The following FBXO42 variants were observed in gnomAD, a reference collection of about 807,000 sequenced individuals.
The protein encoded by FBXO42 is F-box only protein 42.
FBXO42 carries 12 observed loss-of-function variants against 71.7 expected under a neutral mutation model. The observed-to-expected ratio is 0.17, with a 90% CI of 0.11 to 0.27. The LOEUF (loss-of-function observed/expected upper bound fraction) is 0.27. Among genes scored for constraint, FBXO42 ranks in the 10% least tolerant of loss-of-function variants. FBXO42 has a pLI of 1.00. For synonymous variants in FBXO42, 325 were observed against 327.5 expected (o/e 0.99, Z 0.08); for missense variants, 707 against 911.9 (o/e 0.78, Z 2.89).
intron 4 of FBXO42, among the ~76,000 whole-genome samples, chr1:16,284,246 A>C (rs2081997543): frequency 6.6e-6 from 1 of 152,230 alleles, no homozygotes; most frequent in Non-Finnish European, 1.5e-5. Flanking sequence ...CAGGATTTCC[A>C]ATGGTTTCTG....
chr1:16,248,549 T>C lies in FBXO42; in HGVS notation c.*2121A>G, dbSNP rs1348807783. ...ATTCTGTACTTTCAGGTTTCTAATA[T>C]ACTTTATATTTAGATAGGAACTACT... is the stretch of plus-strand genomic sequence containing the variant. On this transcript the variant is annotated 3_prime_UTR_variant, in exon 10 of 10. Coordinates refer to ENST00000375592, the MANE Select transcript of FBXO42 (RefSeq NM_018994.3). The C allele has an allele frequency of 6.6e-6, 1 of 152,170 alleles. No individual in the cohort carries two copies. 9.4% of individuals were successfully genotyped at this position (152,170 alleles called of 1,614,324 possible).
chr1:16,259,749 G>C (rs1326204915), intron 4 of FBXO42, among the ~76,000 whole-genome samples: 1 of 135,224 alleles, frequency 7.4e-6, no homozygotes, highest in Non-Finnish European at 1.5e-5. Flanking sequence ...CTGAGTGAAA[G>C]AGCAAGACTC....
In FBXO42 at chr1:16,250,821, C is replaced by T; in HGVS notation, c.2003G>A (p.Ser668Asn). 6.2e-7 allele frequency: 1 copy of T among 1,614,160 alleles called. No homozygotes were observed. The highest frequency in any genetic ancestry group is 8.5e-7 in the Non-Finnish European group (1 of 1,180,028). The change falls in exon 10 of 10, where the codon AGT becomes AAT. Residue 668 changes from serine to asparagine, a missense_variant. By Grantham distance (46) the Ser-to-Asn change is conservative (BLOSUM62 1). Coordinates refer to ENST00000375592, the MANE Select transcript of FBXO42 (RefSeq NM_018994.3). This position sits in a 1 kb window ranked among gnomAD's most constrained non-coding sequence, Gnocchi z 4.7. ...GGTTTCAGGAGGTCCAACCACAGAA[C>T]TGCTATTAAATACTTTCCATTTGAC... The part of the protein sequence containing the change: ...GRVKWKVFNS[S>N]SVVGPPETSL...
intron 4 of FBXO42, among the ~76,000 whole-genome samples, chr1:16,275,524 C>A (rs1167460549): frequency 1.3e-5 from 2 of 151,884 alleles, no homozygotes. Flanking sequence ...GAGGCTGAAG[C>A]AGGAGGATCG....
At chr1:16,295,504 C>A (rs1363947878) in intron 3 of FBXO42, among the ~76,000 whole-genome samples, 1 of 152,096 alleles carries the variant, frequency 6.6e-6, no homozygotes, top group East Asian at 1.9e-4. Flanking sequence ...GATTCTCCTG[C>A]CTCAGCCTCC....
intron 4 of FBXO42, among the ~76,000 whole-genome samples, chr1:16,281,893 G>C (rs2081967457): frequency 6.6e-6 from 1 of 151,874 alleles, no homozygotes; most frequent in Non-Finnish European, 1.5e-5. Context: ...TTGACCTCAA[G>C]TGATCCTCCT....
chr1:16,275,864 G>A lies in FBXO42; in HGVS notation c.502+18919C>T, dbSNP rs1227478522. Among the ~76,000 whole-genome samples the A allele has an allele frequency of 3.3e-5, 5 of 152,126 alleles. No individual in the cohort carries two copies. In the East Asian group the frequency reaches 7.7e-4, roughly 24 times the overall value. On this transcript the variant is annotated intron_variant, in intron 4 of 9. Transcript: ENST00000375592. ...TCTCTACTAAAAAAATTAGCCAGGC[G>A]TGGTGGTGGTACGTGCTTGTAATCC...
chr1:16,287,291 A>C (rs1429798784), intron 4 of FBXO42, among the ~76,000 whole-genome samples: 1 of 152,014 alleles, frequency 6.6e-6, no homozygotes, highest in African/African-American at 2.4e-5. Context: ...GTACCCATCA[A>C]GTCCTTGTTC....
intron 3 of FBXO42, 85 bp downstream of exon 3, chr1:16,305,718 A>G: frequency 1.7e-6 from 2 of 1,192,690 alleles, no homozygotes; most frequent in Non-Finnish European, 2.5e-6. Flanking sequence ...TGTCTCAAAA[A>G]CAAACAAAAA....
At chr1:16,303,359 T>C (rs1557592785) in intron 3 of FBXO42, among the ~76,000 whole-genome samples, 1 of 152,210 alleles carries the variant, frequency 6.6e-6, no homozygotes, top group Non-Finnish European at 1.5e-5. Flanking sequence ...AGGACTGTCC[T>C]ATGCACTGCA....
chr1:16,315,603 G>C (rs1298823682), intron 1 of FBXO42, among the ~76,000 whole-genome samples, 168 bp from the exon 2 acceptor site: 1 of 152,164 alleles, frequency 6.6e-6, no homozygotes, highest in African/African-American at 2.4e-5. Flanking sequence ...GACAGGTACA[G>C]CTCAAATACC....
In FBXO42 at chr1:16,334,061, A is replaced by G. The variant is rs966720342; in HGVS notation, c.-18+18194T>C. 1.4e-4 allele frequency among the ~76,000 whole-genome samples: 22 copies of G among 152,196 alleles called. 1 individual carries two copies. Among genetic ancestry groups the G allele is most frequent in the Admixed American group, 1.4e-3 (22 of 15,254 alleles). On this transcript the variant is annotated intron_variant, in intron 1 of 9. Transcript: ENST00000375592. ...AGTGATGACTGTGCAGAATACAAAT[A>G]TATTCAAAGATAGCTTATAATATGA...
chr1:16,285,595 A>G (rs2082013594), intron 4 of FBXO42, among the ~76,000 whole-genome samples: 1 of 152,134 alleles, frequency 6.6e-6, no homozygotes, highest in Non-Finnish European at 1.5e-5. Flanking sequence ...TCTAAAATGT[A>G]TTACAAACTG....
At chr1:16,326,889 G>T (rs989014848) in intron 1 of FBXO42, among the ~76,000 whole-genome samples, 1 of 152,050 alleles carries the variant, frequency 6.6e-6, no homozygotes. Context: ...CCTTAAACAA[G>T]ATAGGTCTGC....
At chr1:16,325,775 G>A (rs1052473554) in intron 1 of FBXO42, among the ~76,000 whole-genome samples, 3 of 151,494 alleles carry the variant, frequency 2.0e-5, no homozygotes, top group Non-Finnish European at 2.9e-5. Context: ...ATAGGCATGC[G>A]TCACCACGCC....
chr1:16,350,094 A>G (rs2082685398), intron 1 of FBXO42, among the ~76,000 whole-genome samples: 1 of 152,152 alleles, frequency 6.6e-6, no homozygotes, highest in African/African-American at 2.4e-5. Context: ...ACCCCTCTAG[A>G]AATCAGACAA....
intron 3 of FBXO42, among the ~76,000 whole-genome samples, chr1:16,301,924 A>T (rs917063863): frequency 6.6e-6 from 1 of 152,044 alleles, no homozygotes; most frequent in African/African-American, 2.4e-5. Context: ...TCTTAAATGC[A>T]TTTCTCAGCA....
At chr1:16,340,290 C>G (rs1035759218) in intron 1 of FBXO42, among the ~76,000 whole-genome samples, 1 of 151,732 alleles carries the variant, frequency 6.6e-6, no homozygotes, top group Non-Finnish European at 1.5e-5. Flanking sequence ...TCAACAAGCA[C>G]CACAGATCCA....
intron 4 of FBXO42, among the ~76,000 whole-genome samples, chr1:16,288,160 C>T (rs372160770): frequency 9.2e-5 from 14 of 151,538 alleles, no homozygotes; most frequent in African/African-American, 2.9e-4. Context: ...TAATAATAGG[C>T]CGGGTGCAGT....
Sources: gnomAD v4.1 joint callset for allele counts (sites outside exome capture counted in the v4.1 genomes callset) on GRCh38, gnomAD v4.1.1 for gene constraint, Gnocchi (gnomAD v3.1) non-coding constraint, MANE v1.5 for transcripts, NCBI Gene and HGNC (gene_info 2026-07-23, HGNC 2026-07-21) for gene names.